The following USH2A variants were observed in gnomAD, a reference collection of about 807,000 sequenced individuals.
The protein encoded by USH2A is usherin.
USH2A carries 443 observed loss-of-function variants against 538.9 expected under a neutral mutation model. The ratio of observed to expected loss-of-function variants is 0.82; its 90% CI spans 0.76 to 0.89. The LOEUF (loss-of-function observed/expected upper bound fraction) is 0.89. USH2A is among the 40% of genes least tolerant of loss of function. The pLI, the probability that USH2A is intolerant of heterozygous loss-of-function variation, is 0.00. For synonymous variants in USH2A, 2,413 were observed against 2,273.5 expected, an observed-to-expected ratio of 1.06 and a Z score of -1.75; for missense variants, 6,633 against 6,324.8, an observed-to-expected ratio of 1.05 and a Z score of -1.65.
Position 216,422,062 on chromosome 1 carries a change from G to C in USH2A, c.275C>G (p.Ser92Cys). ...AAGGGCAGTGTAGGTAGGGTGTGAA[G>C]ATCTGTATGGGCAATCCTGAATACA... ...RFCIQDCPYR[S>C]SHPTYTALFS... is the part of the protein sequence containing the mutation. Residue 92 changes from serine to cysteine, a missense_variant, in exon 2 of 72, where the codon TCT (serine) becomes TGT (cysteine). By Grantham distance (112) the Ser-to-Cys change is moderately radical. Coordinates refer to ENST00000307340, the MANE Select transcript of USH2A (RefSeq NM_206933.4). The C allele has an allele frequency of 1.2e-6, 2 of 1,613,864 alleles. No individual in the cohort carries two copies. The highest frequency in any genetic ancestry group is 1.7e-6 in the Non-Finnish European group (2 of 1,179,902).
In USH2A at chr1:215,872,053, C is replaced by T. The variant is rs79876982; in HGVS notation, c.8682-4883G>A. The stretch of plus-strand genomic sequence containing the variant: ...TTAATATTGTCACCAATATAAATCA[C>T]GCTTCTGAAAATGCAGGTTATTTAG... On this transcript the variant is annotated intron_variant, in intron 43 of 71. Transcript: ENST00000307340. 5.1e-3 allele frequency among the ~76,000 whole-genome samples: 773 copies of T among 152,290 alleles called. 8 individuals carry two copies. Among genetic ancestry groups the T allele is most frequent in the African/African-American group, 0.017 (695 of 41,566 alleles).
chr1:216,348,647 TATA>T (rs2038222426), intron 4 of USH2A, among the ~76,000 whole-genome samples: 1 of 152,120 alleles, frequency 6.6e-6, no homozygotes, highest in South Asian at 2.1e-4. Context: ...TCAGGCCAAG[TATA>T]AGACTAAAGC....
chr1:216,037,751 G>C (rs188265155), intron 32 of USH2A, among the ~76,000 whole-genome samples: 1 of 151,548 alleles, frequency 6.6e-6, no homozygotes, highest in Admixed American at 6.6e-5. Flanking sequence ...CTTGTGTCAT[G>C]GGGGTTTGGT....
At chr1:216,197,241 A>G (rs2034870214) in intron 18 of USH2A, among the ~76,000 whole-genome samples, 1 of 152,126 alleles carries the variant, frequency 6.6e-6, no homozygotes, top group South Asian at 2.1e-4. Flanking sequence ...TTTTTCTTGA[A>G]ATGTTCAGGT....
chr1:215,710,859 G>C (rs1462636605), intron 61 of USH2A, among the ~76,000 whole-genome samples: 2 of 151,794 alleles, frequency 1.3e-5, no homozygotes, highest in African/African-American at 2.4e-5. Context: ...TTGGATCTTT[G>C]AAGGTAAAAG....
chr1:215,891,975 G>A (rs1026783993), intron 40 of USH2A, among the ~76,000 whole-genome samples: 3 of 152,110 alleles, frequency 2.0e-5, no homozygotes, highest in Admixed American at 1.3e-4. Flanking sequence ...CATTAATAAC[G>A]GAAAGTAGTT....
intron 21 of USH2A, among the ~76,000 whole-genome samples, chr1:216,112,742 C>A (rs368788048): frequency 6.6e-6 from 1 of 151,868 alleles, no homozygotes; most frequent in East Asian, 1.9e-4. Context: ...AGTTTGCTAA[C>A]GGTAATGGCC....
At chr1:216,152,372 G>A (rs1211029087) in intron 21 of USH2A, among the ~76,000 whole-genome samples, 1 of 152,026 alleles carries the variant, frequency 6.6e-6, no homozygotes, top group African/African-American at 2.4e-5. Context: ...GCCGGTCCTT[G>A]CCTTAACTTA....
chr1:216,231,459 T>C lies in USH2A; in HGVS notation c.2993+494A>G, dbSNP rs1303540149. On this transcript the variant is annotated intron_variant, in intron 14 of 71. Transcript: ENST00000307340. Reference sequence around the variant, plus strand: ...CTAGGATGGGCCACATCTATCAATATATAGCAACCCACTCTAGGAAATATT... The same window carrying C: ...CTAGGATGGGCCACATCTATCAATACATAGCAACCCACTCTAGGAAATATT... Among the ~76,000 whole-genome samples the C allele has an allele frequency of 3.3e-5, 5 of 150,440 alleles. No individual in the cohort carries two copies. The East Asian group carries it at 7.9e-4, about 24-fold the overall frequency.
At chr1:216,219,416 G>A (rs538119520) in intron 14 of USH2A, among the ~76,000 whole-genome samples, 6 of 152,028 alleles carry the variant, frequency 3.9e-5, no homozygotes, top group African/African-American at 1.4e-4. Flanking sequence ...TAAGCAAAAT[G>A]ATTCCTTTAG....
At chr1:215,864,942 T>C (rs1571760395) in intron 44 of USH2A, among the ~76,000 whole-genome samples, 1 of 152,162 alleles carries the variant, frequency 6.6e-6, no homozygotes, top group East Asian at 1.9e-4. Flanking sequence ...GACCATGCTT[T>C]AAAATATATA....
chr1:215,702,396 T>A (rs1364085959), intron 61 of USH2A, among the ~76,000 whole-genome samples: 4 of 152,198 alleles, frequency 2.6e-5, no homozygotes, highest in African/African-American at 7.2e-5. Context: ...TTCTCCTTGA[T>A]AATATCCTGA....
In USH2A at chr1:215,627,438, TTCCTTCCTTCC is replaced by T. The variant is rs1558027507; in HGVS notation, c.15519+1365_15519+1375del. On this transcript the variant is annotated intron_variant, in intron 71 of 71. Transcript: ENST00000307340. Reference sequence around the variant, plus strand: ...CTTCCTTCCTTCCTTCCTTCCTTCCTTCCTTCCTTCCTTCCTTCCTTCCTTCCTTCCTTCCT... The same window carrying T: ...CTTCCTTCCTTCCTTCCTTCCTTCCTTTCCTTCCTTCCTTCCTTCCTTCCT... 9.9e-4 allele frequency among the ~76,000 whole-genome samples: 101 copies of T among 102,140 alleles called. 7 individuals carry two copies. The highest frequency in any genetic ancestry group is 8.2e-3 in the South Asian group (22 of 2,684). The allele number at this position is 102,140 out of a possible 152,430, so 67.0% of individuals were successfully genotyped here.
chr1:216,365,165 A>G lies in USH2A; in HGVS notation c.652-80T>C, dbSNP rs45594833. 107,029 of 1,494,800 alleles carry G rather than the reference A, an allele frequency of 0.072. 4,301 individuals are homozygous for G. The highest frequency in any genetic ancestry group is 0.12 in the Middle Eastern group (637 of 5,466). 92.6% of individuals were successfully genotyped at this position (1,494,800 alleles called of 1,614,324 possible). A position where few individuals can be genotyped will look rare whatever the true frequency, so the allele number is the denominator to read the frequency against. On this transcript the variant is annotated intron_variant, in intron 3 of 71. Transcript: ENST00000307340. ...TAAACACATTTCAGCAGTTTTTATTAAGTAACTTTCTTTCTTCTTTACTTT... is the reference window on the plus strand; with the variant it reads ...TAAACACATTTCAGCAGTTTTTATTGAGTAACTTTCTTTCTTCTTTACTTT...
intron 32 of USH2A, among the ~76,000 whole-genome samples, chr1:216,038,110 T>C (rs1167397943): frequency 6.6e-6 from 1 of 152,106 alleles, no homozygotes; most frequent in East Asian, 1.9e-4. Context: ...TCTAAATTGA[T>C]GTGGATGGTC....
At chr1:216,052,355 A>G (rs1348660698) in intron 30 of USH2A, among the ~76,000 whole-genome samples, 1 of 131,974 alleles carries the variant, frequency 7.6e-6, no homozygotes, top group Non-Finnish European at 1.7e-5. Context: ...GAAAAATAGA[A>G]AACAAAGGAA....
intron 47 of USH2A, among the ~76,000 whole-genome samples, chr1:215,817,818 A>G (rs969527832): frequency 6.6e-6 from 1 of 151,986 alleles, no homozygotes; most frequent in Non-Finnish European, 1.5e-5. Context: ...GCCAACAACT[A>G]TCCACAGCGG....
chr1:216,138,862 G>A (rs1353924141), intron 21 of USH2A, among the ~76,000 whole-genome samples: 1 of 151,780 alleles, frequency 6.6e-6, no homozygotes, highest in African/African-American at 2.4e-5. Flanking sequence ...TTCCCACTTA[G>A]TATTCAACAT....
chr1:215,842,814 G>T (rs1972368), intron 46 of USH2A, among the ~76,000 whole-genome samples: 58,678 of 151,706 alleles, frequency 0.39, 11,792 homozygotes, highest in Admixed American at 0.52. Flanking sequence ...CTGTTGGGGG[G>T]GCATCAGGGG....
Sources: gnomAD v4.1 joint callset for allele counts (sites outside exome capture counted in the v4.1 genomes callset) on GRCh38, gnomAD v4.1.1 for gene constraint, MANE v1.5 for transcripts, NCBI Gene and HGNC (gene_info 2026-07-23, HGNC 2026-07-21) for gene names.